The following NDFIP1 variants were observed in gnomAD, a reference collection of about 807,000 sequenced individuals.
NDFIP1 encodes the protein Nedd4 family interacting protein 1.
In NDFIP1, 7 loss-of-function variants were observed where a neutral mutation model predicts 28.8. The ratio of observed to expected loss-of-function variants is 0.24; its 90% confidence interval spans 0.14 to 0.46. The LOEUF is 0.46. Among genes scored for constraint, NDFIP1 ranks in the 20% least tolerant of loss-of-function variants. NDFIP1 has a pLI of 0.99. For missense variants in NDFIP1, 194 were observed against 269.1 expected (o/e 0.72, Z 1.95); for synonymous variants, 92 against 101.0 (o/e 0.91, Z 0.53).
chr5:142,109,238 G>C (rs1756986039), intron 1 of NDFIP1, among the ~76,000 whole-genome samples: 1 of 152,176 alleles, frequency 6.6e-6, no homozygotes, highest in African/African-American at 2.4e-5. Context: ...GCGACCCCAG[G>C]TGGGACTCCG....
At chr5:142,132,078 G>A in intron 2 of NDFIP1, 134 bp from the exon 3 acceptor site, 2 of 1,144,368 alleles carry the variant, frequency 1.7e-6, no homozygotes, top group Non-Finnish European at 2.4e-6. Context: ...ATTCATCTAA[G>A]AATGTCTTTT....
intron 6 of NDFIP1, among the ~76,000 whole-genome samples, chr5:142,141,665 T>C (rs954823364): frequency 6.6e-6 from 1 of 152,104 alleles, no homozygotes; most frequent in Non-Finnish European, 1.5e-5. Flanking sequence ...AACAGGGCCA[T>C]CTTGTGGCTA....
Position 142,108,860 on chromosome 5 carries a change from T to TGAAGAGCGTCTCGCC in NDFIP1, c.-115_-114insGAAGAGCGTCTCGCC. On this transcript the variant is annotated 5_prime_UTR_variant, in exon 1 of 8. The change creates a new upstream start codon in the 5' untranslated region. Coordinates refer to ENST00000253814, the MANE Select transcript of NDFIP1 (RefSeq NM_030571.4). Reference sequence around the variant, plus strand: ...TCTCGCCCGGGAGCGGCGGCGGCCATCGAGACCCACCCAAGGCGCGTCCCC... The same window carrying TGAAGAGCGTCTCGCC: ...TCTCGCCCGGGAGCGGCGGCGGCCATGAAGAGCGTCTCGCCCGAGACCCACCCAAGGCGCGTCCCC... The TGAAGAGCGTCTCGCC allele has an allele frequency of 1.1e-6, 1 of 910,802 alleles. No individual in the cohort carries two copies. The highest frequency in any genetic ancestry group is 1.5e-6 in the Non-Finnish European group (1 of 675,320). 56.4% of individuals were successfully genotyped at this position (910,802 alleles called of 1,614,324 possible). A position where few individuals can be genotyped will look rare whatever the true frequency, so the allele number is the denominator to read the frequency against.
intron 1 of NDFIP1, among the ~76,000 whole-genome samples, chr5:142,113,745 A>G (rs1757038280): frequency 1.3e-5 from 2 of 152,114 alleles, no homozygotes; most frequent in South Asian, 2.1e-4. Context: ...GGAAGCCACC[A>G]TTCTACTTTC....
chr5:142,130,564 C>G (rs1438541141), intron 1 of NDFIP1, among the ~76,000 whole-genome samples: 1 of 151,852 alleles, frequency 6.6e-6, no homozygotes, highest in African/African-American at 2.4e-5. Context: ...AGTTTTAAAC[C>G]AGTCTGGGCA....
chr5:142,119,473 A>G (rs1455072749), intron 1 of NDFIP1, among the ~76,000 whole-genome samples: 3 of 152,248 alleles, frequency 2.0e-5, no homozygotes, highest in Non-Finnish European at 4.4e-5. Flanking sequence ...TCAAACATTT[A>G]TAATACAGTT....
intron 1 of NDFIP1, among the ~76,000 whole-genome samples, chr5:142,117,069 A>G (rs968053486): frequency 1.4e-4 from 22 of 151,780 alleles, no homozygotes; most frequent in African/African-American, 4.4e-4. Context: ...ATCTTTGACC[A>G]TTTTTCTGTT....
At chr5:142,149,087 G>A (rs967390859) in intron 7 of NDFIP1, among the ~76,000 whole-genome samples, 20 of 151,826 alleles carry the variant, frequency 1.3e-4, no homozygotes, top group Non-Finnish European at 2.8e-4. Context: ...AAAAAAGGAG[G>A]TTTTTGAGCC....
chr5:142,131,261 T>C lies in NDFIP1; in HGVS notation c.64-547T>C, dbSNP rs867641190. Among the ~76,000 whole-genome samples the C allele has an allele frequency of 3.9e-5, 6 of 152,206 alleles. 1 individual carries two copies. In the Middle Eastern group the frequency reaches 0.014, roughly 345 times the overall value. On this transcript the variant is annotated intron_variant, in intron 1 of 7. Transcript: ENST00000253814. Reference sequence around the variant, plus strand: ...CTAGGATTACAGGTGTGAGCCACCATGCCTGGCTGAAATTTAATGTATATT... The same window carrying C: ...CTAGGATTACAGGTGTGAGCCACCACGCCTGGCTGAAATTTAATGTATATT...
chr5:142,114,873 A>G (rs186360689), intron 1 of NDFIP1, among the ~76,000 whole-genome samples: 77 of 152,224 alleles, frequency 5.1e-4, no homozygotes, highest in African/African-American at 1.8e-3. Flanking sequence ...TTCTTACCTG[A>G]TCCCATGGGT....
intron 1 of NDFIP1, among the ~76,000 whole-genome samples, chr5:142,118,019 G>A (rs781645602): frequency 2.0e-5 from 3 of 152,024 alleles, no homozygotes; most frequent in Non-Finnish European, 2.9e-5. Context: ...ACAGGCACAC[G>A]CCAGCACACC....
At chr5:142,147,481 T>C (rs1283187403) in intron 7 of NDFIP1, among the ~76,000 whole-genome samples, 1 of 152,254 alleles carries the variant, frequency 6.6e-6, no homozygotes, top group Non-Finnish European at 1.5e-5. Context: ...AAAGTAATTA[T>C]CTGCTAATTC....
intron 7 of NDFIP1, among the ~76,000 whole-genome samples, chr5:142,149,525 GT>G (rs1443502314): frequency 1.6e-5 from 2 of 127,964 alleles, no homozygotes; most frequent in Admixed American, 9.2e-5. Context: ...TCTTCAGTTT[GT>G]GTACTGCCAG....
intron 4 of NDFIP1, 95 bp downstream of exon 4, chr5:142,135,912 A>G: frequency 2.4e-6 from 2 of 833,514 alleles, no homozygotes; most frequent in South Asian, 1.6e-5. Context: ...AGTTGAGCTA[A>G]TATATTAATA....
intron 6 of NDFIP1, chr5:142,144,042 C>A (rs1178367985): frequency 6.6e-6 from 1 of 151,658 alleles, no homozygotes; most frequent in Non-Finnish European, 1.5e-5. Flanking sequence ...GACAAAGTTT[C>A]AAGTTGAGAC....
Position 142,135,750 on chromosome 5 carries a change from G to A in NDFIP1, c.303G>A (p.Arg101=). 1 of 1,613,514 alleles carries A rather than the reference G, an allele frequency of 6.2e-7. No homozygotes were observed. The highest frequency in any genetic ancestry group is 8.5e-7 in the Non-Finnish European group (1 of 1,179,722). Residue 101 remains arginine (R), a synonymous_variant, in exon 4 of 8, where the codon CGG becomes CGA. Coordinates refer to ENST00000253814, the MANE Select transcript of NDFIP1 (RefSeq NM_030571.4). ...TTTAGGATGAGGATTTTGTGGGTCG[G>A]GATGATTTTGATGATGCTGACCAGC... The part of the protein sequence containing the change: ...VPGRDEDFVG[R]DDFDDADQLR...
chr5:142,145,729 A>G (rs1302315083), intron 7 of NDFIP1, among the ~76,000 whole-genome samples: 1 of 152,100 alleles, frequency 6.6e-6, no homozygotes, highest in Non-Finnish European at 1.5e-5. Context: ...CTAAAAAGTC[A>G]GGTTGAAACA....
At chr5:142,138,167 G>A (rs1757293818) in intron 5 of NDFIP1, 1 of 185,428 alleles carries the variant, frequency 5.4e-6, no homozygotes, top group Non-Finnish European at 1.1e-5. Flanking sequence ...ATAATAAAAG[G>A]AAGGATATTA....
chr5:142,121,153 TAG>T (rs1305972438), intron 1 of NDFIP1, among the ~76,000 whole-genome samples: 2 of 152,360 alleles, frequency 1.3e-5, no homozygotes, highest in African/African-American at 4.8e-5. Context: ...TGGTTGTTTT[TAG>T]AAGAAACAAT....
Sources: allele counts gnomAD v4.1 joint callset (sites outside exome capture counted in the v4.1 genomes callset), GRCh38; gene constraint gnomAD v4.1.1; transcripts MANE v1.5; gene names NCBI Gene and HGNC (gene_info 2026-07-23, HGNC 2026-07-21).